Variants in KRT7 observed in about 807,000 individuals in gnomAD.
The protein encoded by KRT7 is keratin 7.
In KRT7, 50 loss-of-function variants were observed where a neutral mutation model predicts 42.8. The ratio of observed to expected loss-of-function variants is 1.17; its 90% CI spans 0.93 to 1.48. The LOEUF is 1.48. KRT7 is among the 40% of genes most tolerant of loss of function. The pLI is 0.00. For synonymous variants in KRT7, 268 were observed against 266.3 expected, an observed-to-expected ratio of 1.01 and a Z score of -0.06; for missense variants, 588 against 637.6, an observed-to-expected ratio of 0.92 and a Z score of 0.84.
downstream of KRT7, chr12:52,252,138 C>T: frequency 1.6e-6 from 2 of 1,251,210 alleles, no homozygotes; most frequent in Non-Finnish European, 2.3e-6. Context: ...AAATTCTCTC[C>T]TCCAATTAGC....
chr12:52,255,252 G>C (rs1210896013), downstream of KRT7: 1 of 436,574 alleles, frequency 2.3e-6, no homozygotes, highest in Non-Finnish European at 4.6e-6. Context: ...AGAGCCTGAT[G>C]TTAGTCAAGG....
chr12:52,245,727 C>T, intron 7 of KRT7, 95 bp downstream of exon 7: 1 of 1,484,856 alleles, frequency 6.7e-7, no homozygotes. Context: ...CTGTATGCCC[C>T]TCCTCTGCAG....
downstream of KRT7, chr12:52,253,892 A>G: frequency 2.4e-6 from 1 of 412,604 alleles, no homozygotes; most frequent in Non-Finnish European, 4.9e-6. Context: ...CCTCCCAGTT[A>G]CAGTCTTCCA....
rs146555771 is a variant in KRT7 at position 52,248,754 on chromosome 12, C to G, written c.1404C>G (p.Arg468=). ...CATCCGCCAGTCGCAGGAGTGCCCG[C>G]GACTGAGCCGCCTCCCACCACTCCA... ...RTASASRRSA[R]D is the part of the protein sequence containing the mutation. Residue 468 remains arginine (R), a synonymous_variant, in exon 9 of 9, where the codon CGC becomes CGG. Coordinates refer to ENST00000331817, the MANE Select transcript of KRT7 (RefSeq NM_005556.4). 8.3e-6 allele frequency: 13 copies of G among 1,559,756 alleles called. No individual in the cohort carries two copies. The South Asian group carries it at 1.5e-4, about 19-fold the overall frequency.
At position 52,245,545 on chromosome 12, in the gene KRT7, G is replaced by C. The variant is rs150513223; in HGVS notation, c.1118G>C (p.Arg373Pro). The stretch of plus-strand genomic sequence containing the variant: ...AAGCAGGATATGGCACGGCAGCTGC[G>C]TGAGTACCAGGAACTCATGAGCGTG... Reference protein sequence around the residue: ...RGKQDMARQLREYQELMSVKL... With the variant: ...RGKQDMARQLPEYQELMSVKL... Residue 373 changes from arginine to proline, a missense_variant, in exon 7 of 9, where the codon CGT (arginine) becomes CCT (proline). Coordinates refer to ENST00000331817, the MANE Select transcript of KRT7 (RefSeq NM_005556.4). The C allele has an allele frequency of 2.5e-6, 4 of 1,614,050 alleles. No individual in the cohort carries two copies. The highest frequency in any genetic ancestry group is 1.7e-5 in the Admixed American group (1 of 60,010).
At chr12:52,243,971 A>AG (rs1455924220) in intron 6 of KRT7, among the ~76,000 whole-genome samples, 1 of 152,202 alleles carries the variant, frequency 6.6e-6, no homozygotes, top group Non-Finnish European at 1.5e-5. Flanking sequence ...ACTGCCTGGG[A>AG]GGATGAGCTT....
In KRT7 at chr12:52,233,473, G is replaced by A. The variant is rs376403561; in HGVS notation, c.177G>A (p.Val59=). ...TGCGCTCTGCCTATGGGGGCCCGGT[G>A]GGCGCCGGCATCCGCGAGGTCACCA... ...VAVRSAYGGP[V]GAGIREVTIN... Residue 59 remains valine, a synonymous_variant, in exon 1 of 9, where the codon GTG becomes GTA. Coordinates refer to ENST00000331817, the MANE Select transcript of KRT7 (RefSeq NM_005556.4). 1.8e-4 allele frequency: 287 copies of A among 1,609,996 alleles called. No homozygotes were observed. The African/African-American group carries it at 3.5e-3, about 20-fold the overall frequency.
At chr12:52,236,198 C>CA (rs533914218) in intron 2 of KRT7, among the ~76,000 whole-genome samples, 1 of 7,490 alleles carries the variant, frequency 1.3e-4, no homozygotes, top group African/African-American at 1.5e-3. Context: ...CTGTGGAGTG[C>CA]CCCCCCCCAA....
chr12:52,251,008 C>A (rs1942258907), downstream of KRT7, among the ~76,000 whole-genome samples: 1 of 152,158 alleles, frequency 6.6e-6, no homozygotes, highest in South Asian at 2.1e-4. Flanking sequence ...GAGACGGAGT[C>A]TCTCTCTATC....
chr12:52,252,143 A>G (rs1592400714), downstream of KRT7: 4 of 1,291,368 alleles, frequency 3.1e-6, no homozygotes, highest in South Asian at 3.7e-5. Context: ...CTCTCCTCCA[A>G]TTAGCGTTGA....
chr12:52,250,503 T>C, downstream of KRT7: 1 of 729,226 alleles, frequency 1.4e-6, no homozygotes, highest in Admixed American at 2.1e-5. Context: ...GCCGCTGCTC[T>C]GGCCGCAGGG....
chr12:52,254,791 A>G (rs1413683972), downstream of KRT7, among the ~76,000 whole-genome samples: 1 of 151,992 alleles, frequency 6.6e-6, no homozygotes, highest in African/African-American at 2.4e-5. Context: ...AGTCAGTGTC[A>G]CTCTGAGCAG....
rs140150576 is a variant in KRT7, at chr12:52,248,621, G to T, written c.1271G>T (p.Ser424Ile). The T allele has an allele frequency of 6.9e-6, 11 of 1,600,396 alleles. No individual in the cohort carries two copies. In the African/African-American group the frequency reaches 1.5e-4, roughly 22 times the overall value. Residue 424 changes from serine (S) to isoleucine (I), a missense_variant, in exon 9 of 9, where the codon AGT becomes ATT. Physicochemically the swap from Ser to Ile is moderately radical, Grantham distance 142. Coordinates refer to ENST00000331817, the MANE Select transcript of KRT7 (RefSeq NM_005556.4). ...SVMNSTGGSS[S>I]GGGIGLTLGG... is the part of the protein sequence containing the mutation. ...ATGAATTCCACTGGTGGCAGTAGCA[G>T]TGGCGGTGGCATTGGGCTGACCCTC...
rs930012145 is a variant in KRT7, at chr12:52,247,684, C to T, written c.1206-493C>T. 2.5e-5 allele frequency: 4 copies of T among 159,408 alleles called. 1 individual carries two copies. Among genetic ancestry groups the T allele is most frequent in the Admixed American group, 1.8e-4 (3 of 16,630 alleles). 9.9% of individuals were successfully genotyped at this position (159,408 alleles called of 1,614,324 possible). A position where few individuals can be genotyped will look rare whatever the true frequency, so the allele number is the denominator to read the frequency against. ...GCTGGAGCCCCATTCAATCAGTCAA[C>T]GATTCACGAATTATTTTGACATATA... On this transcript the variant is annotated intron_variant, in intron 7 of 8. Transcript: ENST00000331817.
intron 3 of KRT7, chr12:52,237,770 A>T: frequency 2.7e-6 from 1 of 374,930 alleles, no homozygotes; most frequent in Non-Finnish European, 4.8e-6. Context: ...GTGGTGACTG[A>T]TTAGACTCAT....
At chr12:52,254,971 G>T (rs1244901581), downstream of KRT7, among the ~76,000 whole-genome samples, 1 of 152,200 alleles carries the variant, frequency 6.6e-6, no homozygotes, top group Non-Finnish European at 1.5e-5. Flanking sequence ...GCTGGCCTGA[G>T]GATGCAGCCA....
In KRT7 at chr12:52,233,257, C is replaced by T; in HGVS notation, c.-40C>T. On this transcript the variant is annotated 5_prime_UTR_variant, in exon 1 of 9. Transcript: ENST00000331817. ...TCCCCGAGGTCAGCGAGTGCGCGCT[C>T]CTCCTCGCCCGCCGCTAGGTCCATC... The T allele has an allele frequency of 6.9e-7, 1 of 1,451,702 alleles. No homozygotes were observed. The highest frequency in any genetic ancestry group is 9.1e-7 in the Non-Finnish European group (1 of 1,094,630). The allele number at this position is 1,451,702 out of a possible 1,614,324, so 89.9% of individuals were successfully genotyped here.
downstream of KRT7, among the ~76,000 whole-genome samples, chr12:52,254,606 C>G (rs1308805747): frequency 6.6e-6 from 1 of 152,164 alleles, no homozygotes; most frequent in Non-Finnish European, 1.5e-5. Flanking sequence ...TCCTCTGGCA[C>G]CCACTGGGAT....
At chr12:52,249,052 G>A, downstream of KRT7, 1 of 255,230 alleles carries the variant, frequency 3.9e-6, no homozygotes, top group East Asian at 7.8e-5. Context: ...ATGGGGTGCT[G>A]CTCTAAGGAG....
Sources: allele counts gnomAD v4.1 joint callset (sites outside exome capture counted in the v4.1 genomes callset), GRCh38; gene constraint gnomAD v4.1.1; transcripts MANE v1.5; gene names NCBI Gene and HGNC (gene_info 2026-07-23, HGNC 2026-07-21).